Variants in TENM3 observed in about 807,000 individuals in gnomAD.
The protein encoded by TENM3 is teneurin-3.
In TENM3, 63 loss-of-function variants were observed where a neutral mutation model predicts 255.1. The ratio of observed to expected loss-of-function variants is 0.25; its 90% CI spans 0.20 to 0.30. The LOEUF (loss-of-function observed/expected upper bound fraction) is 0.30. TENM3 is among the 10% of genes least tolerant of loss of function. The pLI is 1.00. For missense variants in TENM3, 2,929 were observed against 3,461.1 expected (o/e 0.85, Z 3.86); for synonymous variants, 1,306 against 1,322.3 (o/e 0.99, Z 0.27).
At chr4:182,650,914 A>G (rs1753217829) in intron 5 of TENM3, among the ~76,000 whole-genome samples, 2 of 18,876 alleles carry the variant, frequency 1.1e-4, no homozygotes, top group East Asian at 1.1e-3. Context: ...ATATATATAT[A>G]TATATATATA....
chr4:181,939,767 A>C, the TENM3 span, among the ~76,000 whole-genome samples: 5 of 152,200 alleles, frequency 3.3e-5, no homozygotes, highest in African/African-American at 1.2e-4. Context: ...TTGATGAGAG[A>C]ACCCCAAGGC....
At position 182,307,376 on chromosome 4, in the gene TENM3, T is replaced by C. The variant is rs201358884; in HGVS notation, c.-75-16570T>C. ...TAGAAAGTAGAGAGACCAAAAATTATATGAGCACAAAGAACCCTTCTACAC... is the reference window on the plus strand; with the variant it reads ...TAGAAAGTAGAGAGACCAAAAATTACATGAGCACAAAGAACCCTTCTACAC... On this transcript the variant is annotated intron_variant, in intron 1 of 27. Transcript: ENST00000511685. Among the ~76,000 whole-genome samples, 4 of 152,290 alleles carry C rather than the reference T, an allele frequency of 2.6e-5. No individual in the cohort carries two copies. The East Asian group carries it at 7.7e-4, about 29-fold the overall frequency.
chr4:182,421,066 A>G (rs180744022), intron 3 of TENM3, among the ~76,000 whole-genome samples: 299 of 152,342 alleles, frequency 2.0e-3, no homozygotes, highest in Non-Finnish European at 3.4e-3. Context: ...GCCTTCAGAA[A>G]GTAATTTCTG....
At chr4:181,451,199 T>TGAA in the TENM3 span, among the ~76,000 whole-genome samples, 1 of 152,102 alleles carries the variant, frequency 6.6e-6, no homozygotes, top group Admixed American at 6.6e-5. Context: ...GAGTGGGTAT[T>TGAA]TTAGGCAGTG....
the TENM3 span, among the ~76,000 whole-genome samples, chr4:181,921,698 T>C: frequency 2.0e-5 from 3 of 152,120 alleles, no homozygotes; most frequent in African/African-American, 7.2e-5. Context: ...AATTTGACTT[T>C]CTCTTTTCCT....
chr4:182,518,578 G>A (rs964688231), intron 3 of TENM3, among the ~76,000 whole-genome samples: 11 of 151,962 alleles, frequency 7.2e-5, no homozygotes, highest in African/African-American at 2.7e-4. Context: ...TGGCCTCTAG[G>A]GCCTGAGGGC....
the TENM3 span, among the ~76,000 whole-genome samples, chr4:181,572,072 C>T: frequency 7.9e-5 from 12 of 152,208 alleles, no homozygotes; most frequent in African/African-American, 2.2e-4. Context: ...AAATTTCAAA[C>T]GATAGATTAA....
At chr4:182,529,647 C>T (rs1298635151) in intron 3 of TENM3, among the ~76,000 whole-genome samples, 2 of 152,148 alleles carry the variant, frequency 1.3e-5, no homozygotes, top group African/African-American at 4.8e-5. Context: ...AACCAGGGAG[C>T]ACTCCTTTTT....
chr4:181,460,678 C>CTT, the TENM3 span, among the ~76,000 whole-genome samples: 98,495 of 136,606 alleles, frequency 0.72, 37,150 homozygotes, highest in Non-Finnish European at 0.85. Context: ...AGCTATAGTT[C>CTT]TTTTTTTTTT....
chr4:182,684,366 T>C (rs1756404129), intron 11 of TENM3, among the ~76,000 whole-genome samples: 2 of 140,216 alleles, frequency 1.4e-5, no homozygotes, highest in African/African-American at 5.4e-5. Flanking sequence ...TAAGCCTGTT[T>C]AACAGTAAGT....
the TENM3 span, among the ~76,000 whole-genome samples, chr4:182,101,015 A>T: frequency 7.4e-6 from 1 of 134,496 alleles, no homozygotes; most frequent in East Asian, 2.3e-4. Context: ...ACTGTACTCT[A>T]GCCTAAGTGA....
intron 3 of TENM3, among the ~76,000 whole-genome samples, chr4:182,497,136 C>T (rs1229351781): frequency 1.3e-5 from 2 of 151,890 alleles, no homozygotes; most frequent in South Asian, 2.1e-4. Flanking sequence ...TCACTGTAAC[C>T]TCCGCCTCCC....
chr4:181,675,713 T>A, the TENM3 span, among the ~76,000 whole-genome samples: 1 of 151,998 alleles, frequency 6.6e-6, no homozygotes, highest in African/African-American at 2.4e-5. Flanking sequence ...TGCATGAAAA[T>A]TATCATTGCT....
At chr4:181,834,664 A>G in the TENM3 span, among the ~76,000 whole-genome samples, 2 of 152,194 alleles carry the variant, frequency 1.3e-5, no homozygotes, top group Non-Finnish European at 2.9e-5. Context: ...TGATCCTGTC[A>G]TGCGTTCGTA....
chr4:181,674,313 C>G, the TENM3 span, among the ~76,000 whole-genome samples: 2 of 151,830 alleles, frequency 1.3e-5, no homozygotes, highest in African/African-American at 2.4e-5. Context: ...AATTTCTACC[C>G]AGGACAAAAT....
the TENM3 span, among the ~76,000 whole-genome samples, chr4:181,875,748 A>G: frequency 2.0e-5 from 3 of 152,118 alleles, no homozygotes; most frequent in Non-Finnish European, 4.4e-5. Flanking sequence ...TATTAGGGGG[A>G]GAAGTTAAGA....
chr4:181,523,125 T>C, the TENM3 span: 1 of 425,940 alleles, frequency 2.3e-6, no homozygotes, highest in Non-Finnish European at 4.6e-6. Flanking sequence ...ACATCATGTA[T>C]TTGTACTAGT....
intron 23 of TENM3, 154 bp downstream of exon 23, chr4:182,773,801 A>G: frequency 1.7e-6 from 1 of 578,068 alleles, no homozygotes. Flanking sequence ...TGTAATATTT[A>G]TTTACTTGTA....
chr4:181,605,480 GAGAAAGAAAGAAAGAAAGAAAGAAAGAA>G, the TENM3 span, among the ~76,000 whole-genome samples: 876 of 63,880 alleles, frequency 0.014, 29 homozygotes, highest in African/African-American at 0.021. Flanking sequence ...GAGAGAAACA[GAGAAAGAAAGAAAGAAAGAAAGAAAGAA>G]AGAAAGAAAG....
Sources: gnomAD v4.1 joint callset for allele counts (sites outside exome capture counted in the v4.1 genomes callset) on GRCh38, gnomAD v4.1.1 for gene constraint, MANE v1.5 for transcripts, NCBI Gene and HGNC (gene_info 2026-07-23, HGNC 2026-07-21) for gene names.